Variants in LPP observed in about 807,000 individuals in gnomAD.
The protein encoded by LPP is lipoma-preferred partner.
Under a neutral mutation model 60.4 loss-of-function variants are expected in LPP, and 38 were observed. The observed-to-expected ratio is 0.63, with a 90% CI of 0.49 to 0.83. The LOEUF is 0.83. Ranked by LOEUF, LPP falls within the 40% of genes least tolerant of loss-of-function variation. LPP has a pLI of 0.00. For missense variants in LPP, 902 were observed against 783.6 expected, an observed-to-expected ratio of 1.15 and a Z score of -1.80; for synonymous variants, 328 against 290.8, an observed-to-expected ratio of 1.13 and a Z score of -1.30.
chr3:188,300,699 C>T (rs576865626), intron 2 of LPP, among the ~76,000 whole-genome samples: 4 of 152,102 alleles, frequency 2.6e-5, no homozygotes, highest in Non-Finnish European at 5.9e-5. Flanking sequence ...ATTGGTTGGT[C>T]TCCTGAATGT....
At chr3:188,446,959 C>T (rs987754546) in intron 4 of LPP, among the ~76,000 whole-genome samples, 8 of 152,126 alleles carry the variant, frequency 5.3e-5, no homozygotes, top group Admixed American at 6.5e-5. Context: ...GAGTGAGAGA[C>T]GAGATGGTGT....
At chr3:188,199,276 C>T (rs998529840) in intron 1 of LPP, among the ~76,000 whole-genome samples, 4 of 152,012 alleles carry the variant, frequency 2.6e-5, no homozygotes, top group Admixed American at 6.6e-5. Flanking sequence ...TGCATCATCT[C>T]GCTATACTTT....
chr3:188,354,293 T>C (rs1766852731), intron 3 of LPP, among the ~76,000 whole-genome samples: 1 of 152,196 alleles, frequency 6.6e-6, no homozygotes, highest in African/African-American at 2.4e-5. Context: ...TCTTGTTAAA[T>C]ACAGGTTTCA....
At chr3:188,248,497 T>TATATATATATATATATATATACAC (rs1288280759) in intron 2 of LPP, among the ~76,000 whole-genome samples, 1 of 140,728 alleles carries the variant, frequency 7.1e-6, no homozygotes, top group Non-Finnish European at 1.5e-5. Context: ...TATATATATA[T>TATATATATATATATATATATACAC]ACAGTCAGCA....
chr3:188,565,568 CTT>C (rs1831938303), intron 6 of LPP, among the ~76,000 whole-genome samples: 1 of 151,944 alleles, frequency 6.6e-6, no homozygotes, highest in South Asian at 2.1e-4. Flanking sequence ...TACTATTAGA[CTT>C]TGATAACTTT....
intron 9 of LPP, among the ~76,000 whole-genome samples, chr3:188,839,317 C>T (rs528532374): frequency 6.6e-6 from 1 of 152,198 alleles, no homozygotes; most frequent in East Asian, 1.9e-4. Flanking sequence ...CTGCAAGGGC[C>T]GATCATTACT....
At chr3:188,356,833 G>A (rs1767744794) in intron 3 of LPP, among the ~76,000 whole-genome samples, 1 of 152,202 alleles carries the variant, frequency 6.6e-6, no homozygotes, top group South Asian at 2.1e-4. Flanking sequence ...GGTTGACAAA[G>A]ACCATTATTT....
intron 4 of LPP, among the ~76,000 whole-genome samples, chr3:188,428,256 C>A (rs1338540260): frequency 6.6e-6 from 1 of 152,162 alleles, no homozygotes; most frequent in Admixed American, 6.5e-5. Flanking sequence ...ACTGTCTAAC[C>A]AGTCCCAGTG....
chr3:188,749,384 A>G (rs1300065663), intron 8 of LPP, among the ~76,000 whole-genome samples: 1 of 152,162 alleles, frequency 6.6e-6, no homozygotes, highest in Non-Finnish European at 1.5e-5. Flanking sequence ...AGAGTCTGTA[A>G]ATGAAGAGTT....
At chr3:188,534,340 G>A (rs1309481998) in intron 6 of LPP, among the ~76,000 whole-genome samples, 1 of 152,186 alleles carries the variant, frequency 6.6e-6, no homozygotes, top group African/African-American at 2.4e-5. Context: ...ACATTGGTTT[G>A]AAAAGAAACG....
chr3:188,189,747 C>T (rs116576110), intron 1 of LPP, among the ~76,000 whole-genome samples: 1,763 of 152,206 alleles, frequency 0.012, 40 homozygotes, highest in African/African-American at 0.041. Context: ...TTGGCAGACA[C>T]GAGAATGTGG....
chr3:188,487,086 T>C (rs1806767300), intron 5 of LPP, among the ~76,000 whole-genome samples: 3 of 152,200 alleles, frequency 2.0e-5, no homozygotes, highest in Non-Finnish European at 2.9e-5. Context: ...ACAATGTTAT[T>C]TGAAGTAGTG....
At chr3:188,343,077 G>A (rs1343827153) in intron 3 of LPP, among the ~76,000 whole-genome samples, 1 of 151,996 alleles carries the variant, frequency 6.6e-6, no homozygotes. Flanking sequence ...TTTTACGTAG[G>A]TATACATGTG....
chr3:188,613,542 A>C (rs1210598758), intron 7 of LPP, among the ~76,000 whole-genome samples: 3 of 152,110 alleles, frequency 2.0e-5, no homozygotes, highest in Non-Finnish European at 2.9e-5. Flanking sequence ...TGTGCATTCC[A>C]GGGAAGTTGG....
intron 5 of LPP, among the ~76,000 whole-genome samples, chr3:188,496,941 A>G (rs780272514): frequency 1.4e-4 from 22 of 152,000 alleles, no homozygotes; most frequent in Non-Finnish European, 3.1e-4. Flanking sequence ...TAAAGATGTC[A>G]ATGTCAATCT....
intron 8 of LPP, among the ~76,000 whole-genome samples, chr3:188,757,897 T>TTTTTTGTTTTTTTGTTTTTTTG (rs780213914): frequency 6.9e-6 from 1 of 144,266 alleles, no homozygotes; most frequent in East Asian, 2.0e-4. Flanking sequence ...TGGTTTTTTT[T>TTTTTTGTTTTTTTGTTTTTTTG]TTTTTTTTTT....
intron 6 of LPP, among the ~76,000 whole-genome samples, chr3:188,527,754 C>CTT (rs71169007): frequency 1.3e-3 from 184 of 144,664 alleles, no homozygotes; most frequent in East Asian, 6.2e-3. Context: ...GCTCCCTTTC[C>CTT]TTTTTTTTTT....
rs1163543101 is a variant in LPP at position 188,228,051 on chromosome 3, GCC to G, written c.-67+2529_-67+2530del. Reference sequence around the variant, plus strand: ...CACAGGCCTTCTGCAGACCTCTTTAGCCCCCCTGTCAGAGACCCTCTAGAGAG... The same window carrying G: ...CACAGGCCTTCTGCAGACCTCTTTAGCCCCTGTCAGAGACCCTCTAGAGAG... On this transcript the variant is annotated intron_variant, in intron 2 of 11. Coordinates refer to ENST00000617246, the MANE Select transcript of LPP (RefSeq NM_001375462.1). 3.3e-5 allele frequency among the ~76,000 whole-genome samples: 5 copies of G among 152,306 alleles called. No individual in the cohort carries two copies. In the East Asian group the frequency reaches 9.7e-4, roughly 29 times the overall value.
chr3:188,824,933 C>G (rs888159944), intron 9 of LPP, among the ~76,000 whole-genome samples: 1 of 152,056 alleles, frequency 6.6e-6, no homozygotes, highest in Non-Finnish European at 1.5e-5. Context: ...CTGGGAATGA[C>G]GAATGAAGGG....
Sources: gnomAD v4.1 joint callset for allele counts (sites outside exome capture counted in the v4.1 genomes callset) on GRCh38, gnomAD v4.1.1 for gene constraint, MANE v1.5 for transcripts, NCBI Gene and HGNC (gene_info 2026-07-23, HGNC 2026-07-21) for gene names.